ETV1: variants seen among roughly 807,000 people sequenced by gnomAD.
ETV1 encodes ETS translocation variant 1.
Under a neutral mutation model 62.3 loss-of-function variants are expected in ETV1, and 27 were observed. That is an observed-to-expected ratio of 0.43 (90% CI 0.32 to 0.60). The LOEUF (loss-of-function observed/expected upper bound fraction) is 0.60. ETV1 is among the 20% of genes least tolerant of loss of function. The probability of loss-of-function intolerance (pLI) is 0.06; values close to 1 mark genes in which losing one functional copy is unlikely to be tolerated. For synonymous variants in ETV1, 222 were observed against 199.6 expected (o/e 1.11, Z -0.94); for missense variants, 605 against 605.8 (o/e 1.00, Z 0.01).
intron 6 of ETV1, among the ~76,000 whole-genome samples, chr7:13,975,574 A>AAAG (rs1328127580): frequency 1.5e-5 from 2 of 136,158 alleles, no homozygotes; most frequent in African/African-American, 5.3e-5. Flanking sequence ...AAAAAAAAAA[A>AAAG]AAAAAGAAAA....
intron 11 of ETV1, among the ~76,000 whole-genome samples, chr7:13,907,091 T>C (rs1201865166): frequency 6.6e-6 from 1 of 152,162 alleles, no homozygotes; most frequent in East Asian, 1.9e-4. Context: ...TGAAAAACTA[T>C]TGAAAATTTT....
chr7:13,939,365 A>C (rs2128459711), intron 6 of ETV1, 119 bp from the exon 7 acceptor site: 2 of 797,216 alleles, frequency 2.5e-6, no homozygotes, highest in African/African-American at 1.8e-5. Flanking sequence ...TTACATATGT[A>C]AGAAAAATCA....
chr7:13,937,185 A>G (rs1416009981), intron 7 of ETV1, among the ~76,000 whole-genome samples: 1 of 152,228 alleles, frequency 6.6e-6, no homozygotes, highest in Non-Finnish European at 1.5e-5. Flanking sequence ...AGCTGCAAAA[A>G]TCTTTTACAA....
Position 13,893,625 on chromosome 7 carries a change from G to T in ETV1, c.*2241C>A, listed in dbSNP as rs1204062533. 4 of 231,308 alleles carry T rather than the reference G, an allele frequency of 1.7e-5. No homozygotes were observed. Among genetic ancestry groups the T allele is most frequent in the African/African-American group, 8.9e-5 (4 of 45,060 alleles). The allele number at this position is 231,308 out of a possible 1,614,324, so 14.3% of individuals were successfully genotyped here. ...TAAAAAGAAGAAAAAGGAGAAAAGA[G>T]AAAAAGAAAAAAAAGGAACAAAAAT... On this transcript the variant is annotated 3_prime_UTR_variant, in exon 14 of 14. Transcript: ENST00000430479.
At position 13,988,950 on chromosome 7, in the gene ETV1, C is replaced by T. The variant is rs187768235; in HGVS notation, c.45+58G>A. 9.7e-3 allele frequency: 14,307 copies of T among 1,478,262 alleles called. 89 individuals carry two copies. Among genetic ancestry groups the T allele is most frequent in the Non-Finnish European group, 0.011 (11,787 of 1,071,710 alleles). 91.6% of individuals were successfully genotyped at this position (1,478,262 alleles called of 1,614,324 possible). Reference sequence around the variant, plus strand: ...CCCCCTCCCTTCTCATTTTCTCCCTCTCCCCACCCCCGACGGAGTCAAGTT... The same window carrying T: ...CCCCCTCCCTTCTCATTTTCTCCCTTTCCCCACCCCCGACGGAGTCAAGTT... On this transcript the variant is annotated intron_variant, in intron 3 of 13. Transcript: ENST00000430479.
At chr7:13,952,920 T>G (rs1788999863) in intron 6 of ETV1, among the ~76,000 whole-genome samples, 1 of 152,186 alleles carries the variant, frequency 6.6e-6, no homozygotes, top group African/African-American at 2.4e-5. Flanking sequence ...TAAATGATCC[T>G]CATCTTCACA....
In ETV1 at chr7:13,895,672, TC is replaced by T. The variant is rs1353204189; in HGVS notation, c.*193del. 1.1e-5 allele frequency: 6 copies of T among 570,970 alleles called. No individual in the cohort carries two copies. The Admixed American group carries it at 1.5e-4, about 14-fold the overall frequency. The allele number at this position is 570,970 out of a possible 1,614,324, so 35.4% of individuals were successfully genotyped here. ...TACACAGAATAAATGTTTAGATTAC[TC>T]CCACCCACCCTCAAATAAAGTGCAC... On this transcript the variant is annotated 3_prime_UTR_variant, in exon 14 of 14. Coordinates refer to ENST00000430479, the MANE Select transcript of ETV1 (RefSeq NM_004956.5).
intron 8 of ETV1, among the ~76,000 whole-genome samples, chr7:13,934,914 C>G (rs1265058485): frequency 6.6e-6 from 1 of 152,122 alleles, no homozygotes. Context: ...CATTTACCAG[C>G]ACGCCACTGC....
intron 13 of ETV1, among the ~76,000 whole-genome samples, chr7:13,899,280 C>T (rs977108019): frequency 6.6e-6 from 1 of 152,052 alleles, no homozygotes; most frequent in Non-Finnish European, 1.5e-5. Context: ...TAGAAATGAC[C>T]CCAGGGTTGA....
At chr7:13,955,178 T>C (rs796954374) in intron 6 of ETV1, among the ~76,000 whole-genome samples, 23 of 152,302 alleles carry the variant, frequency 1.5e-4, no homozygotes, top group African/African-American at 5.5e-4. Flanking sequence ...GAAAATGTTC[T>C]TTAAAAATCC....
intron 9 of ETV1, 128 bp downstream of exon 9, chr7:13,931,374 C>T (rs143495669): frequency 4.3e-5 from 42 of 986,598 alleles, no homozygotes; most frequent in East Asian, 2.5e-4. Flanking sequence ...TTTCAATGAA[C>T]GGACAAAATC....
chr7:13,984,620 T>C (rs1782359586), intron 5 of ETV1, among the ~76,000 whole-genome samples: 1 of 152,030 alleles, frequency 6.6e-6, no homozygotes, highest in African/African-American at 2.4e-5. Context: ...TAAATTATTC[T>C]AAAATGAAAT....
In ETV1 at chr7:13,892,642, G is replaced by C. The variant is rs914003637; in HGVS notation, c.*3224C>G. On this transcript the variant is annotated 3_prime_UTR_variant, in exon 14 of 14. Coordinates refer to ENST00000430479, the MANE Select transcript of ETV1 (RefSeq NM_004956.5). ...ACTTGGCACACGTCATTAAGTTAAG[G>C]ATCTTGAGATGGAGAGATTGTCCTG... The C allele has an allele frequency of 4.3e-6, 1 of 232,222 alleles. No individual in the cohort carries two copies. Among genetic ancestry groups the C allele is most frequent in the Non-Finnish European group, 8.5e-6 (1 of 117,510 alleles). The allele number at this position is 232,222 out of a possible 1,614,324, so 14.4% of individuals were successfully genotyped here. A position where few individuals can be genotyped will look rare whatever the true frequency, so the allele number is the denominator to read the frequency against.
intron 6 of ETV1, among the ~76,000 whole-genome samples, chr7:13,950,704 A>G (rs1389896814): frequency 1.3e-5 from 2 of 152,132 alleles, no homozygotes; most frequent in African/African-American, 4.8e-5. Flanking sequence ...CTTTTCAAAA[A>G]GTAGTGGGGA....
intron 7 of ETV1, among the ~76,000 whole-genome samples, chr7:13,936,956 C>T (rs1043833147): frequency 3.3e-5 from 5 of 152,036 alleles, no homozygotes; most frequent in Non-Finnish European, 4.4e-5. Context: ...GTGAGAGGAT[C>T]GCTTGAACTC....
chr7:13,899,784 T>C (rs988734047), intron 13 of ETV1, among the ~76,000 whole-genome samples: 1 of 152,224 alleles, frequency 6.6e-6, no homozygotes, highest in Admixed American at 6.5e-5. Context: ...TTCAAAAATG[T>C]TGTATTTTAT....
intron 9 of ETV1, among the ~76,000 whole-genome samples, chr7:13,916,927 G>C (rs1784240286): frequency 7.8e-6 from 1 of 127,886 alleles, no homozygotes; most frequent in South Asian, 2.6e-4. Flanking sequence ...GCCAGACCTT[G>C]TCCAAAAAAA....
intron 6 of ETV1, among the ~76,000 whole-genome samples, chr7:13,947,298 A>G (rs1788275945): frequency 6.6e-6 from 1 of 151,314 alleles, no homozygotes; most frequent in African/African-American, 2.4e-5. Context: ...TTAAACAAAG[A>G]TAATATGTTT....
chr7:13,986,184 T>G (rs1257611466), intron 5 of ETV1: 1 of 1,589,466 alleles, frequency 6.3e-7, no homozygotes, highest in Non-Finnish European at 8.6e-7. Flanking sequence ...CATCCCGTCC[T>G]GATGAACCCA....
Sources: allele counts gnomAD v4.1 joint callset (sites outside exome capture counted in the v4.1 genomes callset), GRCh38; gene constraint gnomAD v4.1.1; transcripts MANE v1.5; gene names NCBI Gene and HGNC (gene_info 2026-07-23, HGNC 2026-07-21).